CNTN5: variants seen among roughly 807,000 people sequenced by gnomAD.
CNTN5 encodes contactin 5.
In CNTN5, 77 loss-of-function variants were observed where a neutral mutation model predicts 129.1. That is an observed-to-expected ratio of 0.60 (90% CI 0.50 to 0.72). The LOEUF (loss-of-function observed/expected upper bound fraction) is 0.72, where lower values mean the gene tolerates loss of function less well. CNTN5 is among the 30% of genes least tolerant of loss of function. The pLI is 0.00. For synonymous variants in CNTN5, 509 were observed against 465.6 expected (o/e 1.09, Z -1.20); for missense variants, 1,478 against 1,328.8 (o/e 1.11, Z -1.75).
At chr11:99,635,608 C>T (rs1452294967) in intron 3 of CNTN5, among the ~76,000 whole-genome samples, 1 of 151,924 alleles carries the variant, frequency 6.6e-6, no homozygotes, top group African/African-American at 2.4e-5. Flanking sequence ...GAATTTGAAT[C>T]CCAGGGATGT....
At chr11:99,423,790 A>C (rs1324394080) in intron 2 of CNTN5, among the ~76,000 whole-genome samples, 1 of 143,504 alleles carries the variant, frequency 7.0e-6, no homozygotes, top group East Asian at 2.4e-4. Flanking sequence ...ACAGGCTTTG[A>C]GTGACAAGGT....
At chr11:99,796,303 G>A (rs2135460124) in intron 3 of CNTN5, among the ~76,000 whole-genome samples, 1 of 152,216 alleles carries the variant, frequency 6.6e-6, no homozygotes, top group African/African-American at 2.4e-5. Context: ...GCTCCAGCCG[G>A]CACTCATAGC....
intron 17 of CNTN5, among the ~76,000 whole-genome samples, chr11:100,260,076 G>T (rs1177271945): frequency 3.3e-5 from 5 of 151,740 alleles, no homozygotes; most frequent in Admixed American, 3.3e-4. Flanking sequence ...AAAGAGAGAA[G>T]AATCAAATAG....
chr11:100,233,127 C>T (rs1415257300), intron 16 of CNTN5, among the ~76,000 whole-genome samples: 1 of 152,282 alleles, frequency 6.6e-6, no homozygotes, highest in Middle Eastern at 3.4e-3. Flanking sequence ...AATTACTATA[C>T]TGCCTTCCAC....
chr11:99,510,664 T>C (rs1456056939), intron 2 of CNTN5, among the ~76,000 whole-genome samples: 6 of 152,176 alleles, frequency 3.9e-5, no homozygotes, highest in Admixed American at 3.3e-4. Context: ...TTAGTGACAT[T>C]GTGTCCTTTG....
chr11:99,972,109 A>AAAAAT (rs1442570726), intron 8 of CNTN5, among the ~76,000 whole-genome samples: 1 of 125,466 alleles, frequency 8.0e-6, no homozygotes, highest in Non-Finnish European at 1.8e-5. Context: ...AAAAAAAAAA[A>AAAAAT]AATTAGCCGG....
intron 3 of CNTN5, among the ~76,000 whole-genome samples, chr11:99,687,339 A>G (rs1047481358): frequency 6.6e-6 from 1 of 152,138 alleles, no homozygotes; most frequent in African/African-American, 2.4e-5. Flanking sequence ...TTACTAAGTA[A>G]TTAGATGTCT....
intron 18 of CNTN5, among the ~76,000 whole-genome samples, chr11:100,277,435 A>G (rs114568397): frequency 0.02 from 3,087 of 152,206 alleles, 110 homozygotes; most frequent in African/African-American, 0.07. Flanking sequence ...TTATGTTCCC[A>G]CCAACAGTGT....
intron 1 of CNTN5, among the ~76,000 whole-genome samples, chr11:99,300,316 AT>A (rs1337039287): frequency 2.0e-5 from 3 of 151,816 alleles, no homozygotes; most frequent in Non-Finnish European, 4.4e-5. Context: ...TTTGTTGATA[AT>A]TTTTATCATG....
chr11:99,951,635 T>C (rs965180224), intron 7 of CNTN5, among the ~76,000 whole-genome samples: 19 of 152,194 alleles, frequency 1.2e-4, no homozygotes, highest in Admixed American at 2.0e-4. Flanking sequence ...CCTAGTAGAA[T>C]AAATCATGAA....
intron 3 of CNTN5, among the ~76,000 whole-genome samples, chr11:99,744,700 A>G (rs907448087): frequency 5.4e-5 from 8 of 148,898 alleles, no homozygotes; most frequent in Non-Finnish European, 1.2e-4. Context: ...AGCCTGGGCA[A>G]CAGGGTAAGA....
chr11:99,083,494 G>A (rs1237660127), intron 1 of CNTN5, among the ~76,000 whole-genome samples: 1 of 152,148 alleles, frequency 6.6e-6, no homozygotes, highest in African/African-American at 2.4e-5. Flanking sequence ...TAAAATGCCA[G>A]TGATCACTGC....
chr11:99,030,330 T>A (rs1276230182), intron 1 of CNTN5, among the ~76,000 whole-genome samples: 1 of 152,198 alleles, frequency 6.6e-6, no homozygotes, highest in Admixed American at 6.5e-5. Flanking sequence ...AAATTTTGTA[T>A]AAATATATGT....
chr11:99,399,873 G>T (rs1336325209), intron 2 of CNTN5, among the ~76,000 whole-genome samples: 1 of 149,934 alleles, frequency 6.7e-6, no homozygotes, highest in Non-Finnish European at 1.5e-5. Context: ...AATTTTTGTG[G>T]GTACATAGAA....
At chr11:100,285,334 G>A (rs1002031986) in intron 18 of CNTN5, among the ~76,000 whole-genome samples, 2 of 152,128 alleles carry the variant, frequency 1.3e-5, no homozygotes, top group Non-Finnish European at 2.9e-5. Flanking sequence ...ACTGTGAGAA[G>A]TCTCCACTGC....
At chr11:99,991,908 C>T (rs115685734) in intron 8 of CNTN5, among the ~76,000 whole-genome samples, 10,741 of 152,100 alleles carry the variant, frequency 0.071, 682 homozygotes, top group African/African-American at 0.16. Flanking sequence ...GTCAGGTGTC[C>T]ATACCAAGTT....
chr11:99,523,597 G>GAT (rs1555015798), intron 2 of CNTN5, among the ~76,000 whole-genome samples: 2 of 127,388 alleles, frequency 1.6e-5, no homozygotes, highest in Admixed American at 8.5e-5. Flanking sequence ...CTCAAAGAAA[G>GAT]ATAGAATAGA....
chr11:99,213,077 G>C (rs773053109), intron 1 of CNTN5, among the ~76,000 whole-genome samples: 3 of 151,660 alleles, frequency 2.0e-5, no homozygotes, highest in Non-Finnish European at 4.4e-5. Flanking sequence ...TGTAGTCTGA[G>C]CTACTTGGGA....
At chr11:99,555,210 A>G (rs1190636850) in intron 2 of CNTN5, among the ~76,000 whole-genome samples, 1 of 152,018 alleles carries the variant, frequency 6.6e-6, no homozygotes, top group East Asian at 1.9e-4. Context: ...GATAACCTAG[A>G]CTTCTAATTT....
Sources: allele counts gnomAD v4.1 joint callset (sites outside exome capture counted in the v4.1 genomes callset), GRCh38; gene constraint gnomAD v4.1.1; transcripts MANE v1.5; gene names NCBI Gene and HGNC (gene_info 2026-07-23, HGNC 2026-07-21).